GPT2: variants seen among roughly 807,000 people sequenced by gnomAD.
GPT2 encodes glutamic--pyruvic transaminase 2.
GPT2 carries 30 observed loss-of-function variants against 56.9 expected under a neutral mutation model. The observed-to-expected ratio is 0.53, with a 90% CI of 0.39 to 0.72. The LOEUF (loss-of-function observed/expected upper bound fraction) is 0.72, where lower values mean the gene tolerates loss of function less well. Among genes scored for constraint, GPT2 ranks in the 30% least tolerant of loss-of-function variants. The probability of loss-of-function intolerance (pLI) is 0.00; values close to 1 mark genes in which losing one functional copy is unlikely to be tolerated. For missense variants in GPT2, 542 were observed against 703.4 expected, an observed-to-expected ratio of 0.77 and a Z score of 2.60; for synonymous variants, 271 against 283.1, an observed-to-expected ratio of 0.96 and a Z score of 0.43.
At chr16:46,911,157 A>G (rs1467359045) in intron 6 of GPT2, among the ~76,000 whole-genome samples, 2 of 152,206 alleles carry the variant, frequency 1.3e-5, no homozygotes, top group Non-Finnish European at 1.5e-5. Context: ...AACCAAAAAA[A>G]CCACTAATTT....
At chr16:46,928,761 A>G (rs923853471) in intron 11 of GPT2, 146 bp from the exon 12 acceptor site, 2 of 634,952 alleles carry the variant, frequency 3.1e-6, no homozygotes, top group Non-Finnish European at 5.7e-6. Flanking sequence ...AAAGTGGTCC[A>G]AGTGCTGGGT....
intron 10 of GPT2, 122 bp downstream of exon 10, chr16:46,924,666 C>A: frequency 1.0e-6 from 1 of 994,500 alleles, no homozygotes; most frequent in Admixed American, 2.1e-5. Context: ...CTGTATGCAC[C>A]TCTCGGCCAG....
intron 10 of GPT2, among the ~76,000 whole-genome samples, chr16:46,925,936 C>T (rs1961398131): frequency 6.6e-6 from 1 of 151,800 alleles, no homozygotes; most frequent in Non-Finnish European, 1.5e-5. Flanking sequence ...TCAAGACCAG[C>T]TTGGCCAACA....
At chr16:46,892,457 G>T (rs1224631073) in intron 2 of GPT2, among the ~76,000 whole-genome samples, 2 of 152,144 alleles carry the variant, frequency 1.3e-5, no homozygotes, top group Non-Finnish European at 2.9e-5. Context: ...CCAGCAGTGG[G>T]ACTGCTGGAT....
intron 4 of GPT2, among the ~76,000 whole-genome samples, chr16:46,904,563 T>G (rs892462078): frequency 4.6e-5 from 7 of 152,112 alleles, no homozygotes; most frequent in Non-Finnish European, 7.3e-5. Flanking sequence ...ACGTGAGATC[T>G]GAAGAAAAAG....
chr16:46,902,224 C>T (rs897315633), intron 4 of GPT2, among the ~76,000 whole-genome samples: 8 of 152,332 alleles, frequency 5.3e-5, no homozygotes, highest in African/African-American at 1.7e-4. Flanking sequence ...TGGGGTATTA[C>T]AGCAAAAGAC....
At position 46,922,295 on chromosome 16, in the gene GPT2, A is replaced by G; in HGVS notation, c.1091A>G (p.Lys364Arg). The G allele has an allele frequency of 6.2e-7, 1 of 1,614,156 alleles. No homozygotes were observed. Among genetic ancestry groups the G allele is most frequent in the Non-Finnish European group, 8.5e-7 (1 of 1,180,010 alleles). Residue 364 changes from lysine (K) to arginine (R), a missense_variant, in exon 9 of 12, where the codon AAG (lysine) becomes AGG (arginine). Coordinates refer to ENST00000340124, the MANE Select transcript of GPT2 (RefSeq NM_133443.4). Reference sequence around the variant, plus strand: ...GTGATCAACCTGCACCCTGAGATCAAGGGCCAGCTGGTGAAGCTGCTGTCG... The same window carrying G: ...GTGATCAACCTGCACCCTGAGATCAGGGGCCAGCTGGTGAAGCTGCTGTCG... ...MEVINLHPEI[K>R]GQLVKLLSVR...
At chr16:46,910,070 T>C in intron 6 of GPT2, 143 bp downstream of exon 6, 10 of 1,151,772 alleles carry the variant, frequency 8.7e-6, no homozygotes, top group Non-Finnish European at 1.1e-5. Context: ...GCCATGAAAT[T>C]TGCCACAGGC....
chr16:46,887,694 A>G (rs1214349587), intron 2 of GPT2, among the ~76,000 whole-genome samples: 1 of 152,096 alleles, frequency 6.6e-6, no homozygotes, highest in Non-Finnish European at 1.5e-5. Flanking sequence ...GGTGGTACCA[A>G]GGCCTTCATG....
rs964506543 is a variant in GPT2 at position 46,930,216 on chromosome 16, GC to G, written c.*1220del. The G allele has an allele frequency of 2.0e-5, 3 of 152,476 alleles. No homozygotes were observed. The highest frequency in any genetic ancestry group is 7.2e-5 in the African/African-American group (3 of 41,478). The allele number at this position is 152,476 out of a possible 1,614,324, so 9.4% of individuals were successfully genotyped here. On this transcript the variant is annotated 3_prime_UTR_variant, in exon 12 of 12. Coordinates refer to ENST00000340124, the MANE Select transcript of GPT2 (RefSeq NM_133443.4). ...ACAGGAGGGTGCCATCCCCCAGCAT[GC>G]GGCTTCTCTGCCATTAGCAGCCCTG...
At chr16:46,900,111 G>A (rs1960787445) in intron 3 of GPT2, among the ~76,000 whole-genome samples, 1 of 152,208 alleles carries the variant, frequency 6.6e-6, no homozygotes, top group South Asian at 2.1e-4. Flanking sequence ...TGCCGGGCGA[G>A]CTGGGGTTAC....
rs1190301836 is a variant in GPT2 at position 46,930,515 on chromosome 16, G to C, written c.*1518G>C. Reference sequence around the variant, plus strand: ...ACTGTCCTTACCCACCGACATCACAGCCCCTATGAAGAAAGTAGCCACAAT... The same window carrying C: ...ACTGTCCTTACCCACCGACATCACACCCCCTATGAAGAAAGTAGCCACAAT... On this transcript the variant is annotated 3_prime_UTR_variant, in exon 12 of 12. Coordinates refer to ENST00000340124, the MANE Select transcript of GPT2 (RefSeq NM_133443.4). 6.6e-6 allele frequency: 1 copy of C among 152,204 alleles called. No homozygotes were observed. The highest frequency in any genetic ancestry group is 1.5e-5 in the Non-Finnish European group (1 of 68,040). The allele number at this position is 152,204 out of a possible 1,614,324, so 9.4% of individuals were successfully genotyped here.
intron 6 of GPT2, chr16:46,915,971 C>T (rs1246533680): frequency 6.6e-6 from 1 of 151,828 alleles, no homozygotes; most frequent in Admixed American, 6.6e-5. Flanking sequence ...CACACAGACA[C>T]ATGCACATGT....
chr16:46,890,700 T>C (rs1452206167), intron 2 of GPT2, among the ~76,000 whole-genome samples: 2 of 152,210 alleles, frequency 1.3e-5, no homozygotes, highest in Non-Finnish European at 2.9e-5. Flanking sequence ...TTAACATTTA[T>C]ATACATTCTA....
intron 4 of GPT2, among the ~76,000 whole-genome samples, chr16:46,901,243 C>T (rs1183015056): frequency 6.6e-6 from 1 of 152,190 alleles, no homozygotes; most frequent in Non-Finnish European, 1.5e-5. Context: ...CCTTGGGACC[C>T]CTCCAGCCCC....
intron 6 of GPT2, chr16:46,916,369 AAGAG>A (rs1308074600): frequency 6.1e-6 from 2 of 329,270 alleles, no homozygotes; most frequent in African/African-American, 2.1e-5. Flanking sequence ...AAAAAAAAAT[AAGAG>A]AGCCAGGTGA....
intron 3 of GPT2, 88 bp downstream of exon 3, chr16:46,897,825 T>G (rs1311191509): frequency 4.5e-6 from 5 of 1,101,342 alleles, no homozygotes; most frequent in Non-Finnish European, 6.8e-6. Flanking sequence ...GCCCCCTCGA[T>G]GTCCAGGCCC....
intron 8 of GPT2, among the ~76,000 whole-genome samples, chr16:46,919,304 G>T (rs538801510): frequency 1.3e-5 from 2 of 152,216 alleles, no homozygotes; most frequent in African/African-American, 2.4e-5. Flanking sequence ...TTCTAGTGAG[G>T]GGGGAGAGCT....
chr16:46,892,994 A>G (rs1483735633), intron 2 of GPT2, among the ~76,000 whole-genome samples: 1 of 152,230 alleles, frequency 6.6e-6, no homozygotes, highest in Non-Finnish European at 1.5e-5. Flanking sequence ...TACAGCCTCT[A>G]TAGATTACAT....
Sources: allele counts gnomAD v4.1 joint callset (sites outside exome capture counted in the v4.1 genomes callset), GRCh38; gene constraint gnomAD v4.1.1; transcripts MANE v1.5; gene names NCBI Gene and HGNC (gene_info 2026-07-23, HGNC 2026-07-21).